TCERG1: variants seen among roughly 807,000 people sequenced by gnomAD.
The protein encoded by TCERG1 is transcription elongation regulator 1.
Under a neutral mutation model 144.7 loss-of-function variants are expected in TCERG1, and 37 were observed. That is an observed-to-expected ratio of 0.26 (90% CI 0.20 to 0.34). The LOEUF (loss-of-function observed/expected upper bound fraction) is 0.34. Among genes scored for constraint, TCERG1 ranks in the 10% least tolerant of loss-of-function variants. TCERG1 has a pLI of 1.00. For synonymous variants in TCERG1, 492 were observed against 458.2 expected (o/e 1.07, Z -0.94); for missense variants, 1,027 against 1,380.7 (o/e 0.74, Z 4.06).
At chr5:146,448,327 C>G (rs1242055015) in intron 1 of TCERG1, among the ~76,000 whole-genome samples, 1 of 151,408 alleles carries the variant, frequency 6.6e-6, no homozygotes, top group Non-Finnish European at 1.5e-5. Context: ...AGTGCAGTGA[C>G]CTTTTTTTCC....
chr5:146,448,335 T>TC (rs1362716101), intron 1 of TCERG1, among the ~76,000 whole-genome samples: 3 of 152,084 alleles, frequency 2.0e-5, no homozygotes, highest in Admixed American at 2.0e-4. Context: ...GACCTTTTTT[T>TC]CCCCTGGAAC....
intron 1 of TCERG1, 138 bp downstream of exon 1, chr5:146,447,546 A>T (rs1185505451): frequency 3.5e-6 from 4 of 1,130,034 alleles, no homozygotes; most frequent in Non-Finnish European, 5.0e-6. Context: ...ATGGGGTTTA[A>T]GAAGGGGGAA....
At chr5:146,493,092 C>A in intron 16 of TCERG1, 54 bp downstream of exon 16, 1 of 1,254,136 alleles carries the variant, frequency 8.0e-7, no homozygotes. Context: ...CTCCTAAGAT[C>A]AGTTTTTAAA....
chr5:146,484,749 C>T (rs1332267539), intron 15 of TCERG1, among the ~76,000 whole-genome samples: 1 of 152,004 alleles, frequency 6.6e-6, no homozygotes, highest in East Asian at 1.9e-4. Context: ...TTACTTTTCC[C>T]ACTTCCCCTT....
At chr5:146,490,309 G>A (rs1359110439) in intron 15 of TCERG1, among the ~76,000 whole-genome samples, 1 of 152,154 alleles carries the variant, frequency 6.6e-6, no homozygotes, top group Non-Finnish European at 1.5e-5. Flanking sequence ...GGAAGATGTC[G>A]AAGGTATTTT....
intron 22 of TCERG1, 143 bp downstream of exon 22, chr5:146,509,388 C>T (rs1768273013): frequency 4.1e-6 from 2 of 490,286 alleles, no homozygotes; most frequent in Admixed American, 8.3e-5. Flanking sequence ...TGTCCAAAGT[C>T]AAATACAGCC....
intron 17 of TCERG1, chr5:146,503,123 A>G (rs1767634685): frequency 5.3e-6 from 1 of 190,276 alleles, no homozygotes; most frequent in Non-Finnish European, 1.1e-5. Flanking sequence ...ATTTCTTTAT[A>G]AAATATTATT....
At chr5:146,486,800 C>T (rs1044020058) in intron 15 of TCERG1, among the ~76,000 whole-genome samples, 3 of 152,110 alleles carry the variant, frequency 2.0e-5, no homozygotes, top group Non-Finnish European at 2.9e-5. Flanking sequence ...TCAGGGTGGG[C>T]GTGGTGGCTC....
At chr5:146,488,151 G>GA (rs912231301) in intron 15 of TCERG1, among the ~76,000 whole-genome samples, 4 of 151,692 alleles carry the variant, frequency 2.6e-5, no homozygotes, top group Admixed American at 1.3e-4. Context: ...AAAACTACTA[G>GA]AAAAAAACCA....
chr5:146,505,690 T>A (rs1352548065), intron 19 of TCERG1: 1 of 149,240 alleles, frequency 6.7e-6, no homozygotes, highest in African/African-American at 2.5e-5. Flanking sequence ...TCACTGTTCC[T>A]TAGACCACCC....
intron 1 of TCERG1, among the ~76,000 whole-genome samples, chr5:146,448,329 T>C (rs544934099): frequency 2.8e-5 from 4 of 143,462 alleles, no homozygotes; most frequent in Admixed American, 1.3e-4. Flanking sequence ...TGCAGTGACC[T>C]TTTTTTCCCC....
At chr5:146,489,641 T>C (rs1404077828) in intron 15 of TCERG1, among the ~76,000 whole-genome samples, 2 of 152,114 alleles carry the variant, frequency 1.3e-5, no homozygotes, top group Non-Finnish European at 2.9e-5. Flanking sequence ...AATGAATATA[T>C]CATGATCCAA....
chr5:146,468,394 A>G lies in TCERG1; in HGVS notation c.1189A>G (p.Thr397Ala). ...CCCGTATGTAAAGACAGTCGCTACCACCAAGACCGGTAATTTTTAAAACCA... is the reference window on the plus strand; with the variant it reads ...CCCGTATGTAAAGACAGTCGCTACCGCCAAGACCGGTAATTTTTAAAACCA... ...SCPYVKTVATTKTGVLPGMAP... is the reference protein window; with the variant it reads ...SCPYVKTVATAKTGVLPGMAP... Residue 397 changes from threonine (T) to alanine (A), a missense_variant, in exon 6 of 23, where the codon ACC becomes GCC. Transcript: ENST00000679501. The G allele has an allele frequency of 6.2e-7, 1 of 1,611,600 alleles. No homozygotes were observed. Among genetic ancestry groups the G allele is most frequent in the Non-Finnish European group, 8.5e-7 (1 of 1,178,802 alleles).
intron 10 of TCERG1, among the ~76,000 whole-genome samples, chr5:146,479,395 C>T (rs1765143236): frequency 1.3e-5 from 2 of 152,064 alleles, no homozygotes; most frequent in East Asian, 3.9e-4. Context: ...TGAGTCAGTG[C>T]CGCTTTGCCT....
chr5:146,447,755 C>T (rs1478524358), intron 1 of TCERG1, among the ~76,000 whole-genome samples: 1 of 152,234 alleles, frequency 6.6e-6, no homozygotes, highest in Non-Finnish European at 1.5e-5. Context: ...AGTCTGTCCC[C>T]AGGCCGCGCT....
intron 5 of TCERG1, among the ~76,000 whole-genome samples, chr5:146,466,417 T>C (rs1360537780): frequency 6.6e-6 from 1 of 151,982 alleles, no homozygotes; most frequent in Non-Finnish European, 1.5e-5. Context: ...GGGGTGGAGT[T>C]TGGATAAATG....
intron 2 of TCERG1, 30 bp from the exon 3 acceptor site, chr5:146,457,153 G>C: frequency 6.3e-7 from 1 of 1,598,156 alleles, no homozygotes; most frequent in East Asian, 2.2e-5. Flanking sequence ...AGTAATTAAA[G>C]TGACCATTAC....
chr5:146,494,674 C>T (rs898406810), intron 16 of TCERG1, among the ~76,000 whole-genome samples: 1 of 151,910 alleles, frequency 6.6e-6, no homozygotes, highest in African/African-American at 2.4e-5. Context: ...GTCTGTTGGC[C>T]TAATTTTTTT....
At chr5:146,486,689 T>C (rs184038048) in intron 15 of TCERG1, among the ~76,000 whole-genome samples, 1 of 152,288 alleles carries the variant, frequency 6.6e-6, no homozygotes, top group East Asian at 1.9e-4. Flanking sequence ...GGTATCCAGA[T>C]TGGAAAGGAA....
Sources: allele counts gnomAD v4.1 joint callset (sites outside exome capture counted in the v4.1 genomes callset), GRCh38; gene constraint gnomAD v4.1.1; transcripts MANE v1.5; gene names NCBI Gene and HGNC (gene_info 2026-07-23, HGNC 2026-07-21).